Variants in EFCAB8 observed in about 807,000 individuals in gnomAD.
EFCAB8 encodes EF-hand calcium-binding domain-containing protein 8.
EFCAB8 carries 100 observed loss-of-function variants against 116.3 expected under a neutral mutation model. That is an observed-to-expected ratio of 0.86 (90% confidence interval 0.73 to 1.02). EFCAB8 has a LOEUF of 1.02. EFCAB8 is among the 50% of genes least tolerant of loss of function. The pLI, the probability that EFCAB8 is intolerant of heterozygous loss-of-function variation, is 0.00. For synonymous variants in EFCAB8, 558 were observed against 567.9 expected, an observed-to-expected ratio of 0.98 and a Z score of 0.25; for missense variants, 1,320 against 1,416.9, an observed-to-expected ratio of 0.93 and a Z score of 1.10.
Position 32,889,419 on chromosome 20 carries a change from G to T in EFCAB8, c.673+13G>T, listed in dbSNP as rs1302650429. 1.3e-6 allele frequency: 2 copies of T among 1,550,828 alleles called. No individual in the cohort carries two copies. Among genetic ancestry groups the T allele is most frequent in the South Asian group, 2.4e-5 (2 of 84,038 alleles). On this transcript the variant is annotated intron_variant, in intron 7 of 26. Transcript: ENST00000400522. ...AGGCAAAAGATAGGTGAGTCCCTGG[G>T]GGCTTCCCAGCTCTGCTCTCAGCCA...
chr20:32,892,105 G>A, intron 7 of EFCAB8, 108 bp from the exon 8 acceptor site: 1 of 988,644 alleles, frequency 1.0e-6, no homozygotes, highest in Admixed American at 2.1e-5. Context: ...GGGAAAAAGG[G>A]CTGAAGGGGC....
At chr20:32,883,220 A>G (rs1985431351) in intron 5 of EFCAB8, among the ~76,000 whole-genome samples, 1 of 152,242 alleles carries the variant, frequency 6.6e-6, no homozygotes, top group Non-Finnish European at 1.5e-5. Context: ...TGGGTATTTC[A>G]GGTTTCAAGA....
At position 32,867,652 on chromosome 20, in the gene EFCAB8, A is replaced by G; in HGVS notation, c.113A>G (p.Gln38Arg). Residue 38 changes from glutamine (Q) to arginine (R), a missense_variant, in exon 3 of 27, where the codon CAG becomes CGG. Coordinates refer to ENST00000400522, the MANE Select transcript of EFCAB8 (RefSeq NM_001143967.2). ...SSPTPSITLS[Q>R]VPDLQPGSQL... ...CCAACACCATCCATCACCCTTAGCCAGGTGCCTGACCTCCAGCCTGGGTCC... is the reference window on the plus strand; with the variant it reads ...CCAACACCATCCATCACCCTTAGCCGGGTGCCTGACCTCCAGCCTGGGTCC... 1 of 1,551,690 alleles carries G rather than the reference A, an allele frequency of 6.4e-7. No homozygotes were observed. Among genetic ancestry groups the G allele is most frequent in the Non-Finnish European group, 8.7e-7 (1 of 1,147,002 alleles).
chr20:32,944,951 T>G (rs2146293278), intron 23 of EFCAB8, among the ~76,000 whole-genome samples: 2 of 152,104 alleles, frequency 1.3e-5, no homozygotes, highest in South Asian at 4.1e-4. Flanking sequence ...ACTACCATAA[T>G]GCATATATTG....
intron 9 of EFCAB8, 146 bp downstream of exon 9, chr20:32,893,444 G>A: frequency 1.6e-6 from 2 of 1,242,526 alleles, no homozygotes; most frequent in Non-Finnish European, 2.2e-6. Flanking sequence ...CAGGGTGCAT[G>A]CCGCTCAGCT....
intron 1 of EFCAB8, among the ~76,000 whole-genome samples, chr20:32,862,025 A>G (rs1229476591): frequency 1.3e-5 from 2 of 151,906 alleles, no homozygotes; most frequent in African/African-American, 4.8e-5. Context: ...GTAGCGTCCC[A>G]TTCTCCTAGC....
In EFCAB8 at chr20:32,867,723, G is replaced by C; in HGVS notation, c.184G>C (p.Glu62Gln). The C allele has an allele frequency of 6.4e-7, 1 of 1,551,598 alleles. No homozygotes were observed. Among genetic ancestry groups the C allele is most frequent in the Non-Finnish European group, 8.7e-7 (1 of 1,146,988 alleles). Residue 62 changes from glutamate (E) to glutamine (Q), a missense_variant, in exon 3 of 27, where the codon GAG becomes CAG. By Grantham distance (29) the Glu-to-Gln change is conservative. Coordinates refer to ENST00000400522, the MANE Select transcript of EFCAB8 (RefSeq NM_001143967.2). ...CCTGGCCAAGATAGAGAAAATGTTT[G>C]AGGAGGACATCAACTCGACTGGAGG... ...IHLAKIEKMF[E>Q]EDINSTGALG...
At chr20:32,924,742 T>G (rs1476147135) in intron 20 of EFCAB8, among the ~76,000 whole-genome samples, 2 of 152,178 alleles carry the variant, frequency 1.3e-5, no homozygotes, top group East Asian at 3.9e-4. Flanking sequence ...GAATCTTGAT[T>G]GAATTTTTGG....
At chr20:32,891,169 G>A (rs13044679) in intron 7 of EFCAB8, among the ~76,000 whole-genome samples, 3,909 of 152,220 alleles carry the variant, frequency 0.026, 78 homozygotes, top group Non-Finnish European at 0.039. Flanking sequence ...GAGTGCAGTG[G>A]CACAATCTCG....
At chr20:32,875,827 GT>G in intron 3 of EFCAB8, 98 bp from the exon 4 acceptor site, 1 of 1,059,032 alleles carries the variant, frequency 9.4e-7, no homozygotes, top group Non-Finnish European at 1.4e-6. Flanking sequence ...GGTCTTCAGT[GT>G]GTCCCCCTCA....
intron 10 of EFCAB8, among the ~76,000 whole-genome samples, chr20:32,896,941 G>A (rs57383700): frequency 0.033 from 4,978 of 152,226 alleles, 233 homozygotes; most frequent in African/African-American, 0.11. Flanking sequence ...TGGCCGTCAG[G>A]ACGTGAGGTG....
intron 5 of EFCAB8, among the ~76,000 whole-genome samples, chr20:32,883,251 G>A (rs6058932): frequency 0.6 from 91,480 of 152,116 alleles, 28,766 homozygotes; most frequent in Middle Eastern, 0.76. Flanking sequence ...TCCTTCAGTC[G>A]TAGGGGTAGC....
intron 2 of EFCAB8, 66 bp downstream of exon 2, chr20:32,863,900 T>TA: frequency 6.6e-7 from 1 of 1,522,950 alleles, no homozygotes; most frequent in Non-Finnish European, 8.9e-7. Context: ...AAACCTCACT[T>TA]ACCAGCATGG....
chr20:32,941,632 G>A (rs1988411755), intron 22 of EFCAB8, among the ~76,000 whole-genome samples: 1 of 152,202 alleles, frequency 6.6e-6, no homozygotes, highest in African/African-American at 2.4e-5. Flanking sequence ...CATATATTGT[G>A]TGATTCTGCT....
At chr20:32,886,431 C>A (rs1985634811) in intron 6 of EFCAB8, among the ~76,000 whole-genome samples, 1 of 152,146 alleles carries the variant, frequency 6.6e-6, no homozygotes, top group Non-Finnish European at 1.5e-5. Context: ...CTCTCCAGGG[C>A]TCTACAGAAA....
At chr20:32,866,724 T>TCTTCCTTC (rs147496701) in intron 2 of EFCAB8, among the ~76,000 whole-genome samples, 3 of 150,968 alleles carry the variant, frequency 2.0e-5, no homozygotes. Context: ...CCTGGGGTTT[T>TCTTCCTTC]CTTCCTTCCT....
intron 3 of EFCAB8, among the ~76,000 whole-genome samples, chr20:32,873,570 G>A (rs1229572499): frequency 2.0e-5 from 3 of 151,544 alleles, no homozygotes; most frequent in African/African-American, 7.3e-5. Flanking sequence ...GCTTTTAGAA[G>A]ATGCAGTTTG....
chr20:32,908,200 C>T (rs1313615638), intron 13 of EFCAB8, 75 bp from the exon 14 acceptor site: 6 of 1,239,200 alleles, frequency 4.8e-6, no homozygotes, highest in Non-Finnish European at 6.1e-6. Flanking sequence ...TCGCCGGAGG[C>T]ACCCCCGAGG....
At chr20:32,863,884 C>T in intron 2 of EFCAB8, 50 bp downstream of exon 2, 4 of 1,542,160 alleles carry the variant, frequency 2.6e-6, no homozygotes, top group Non-Finnish European at 3.5e-6. Context: ...ATTCCAGAGT[C>T]ACCCAAAACC....
Sources: allele counts gnomAD v4.1 joint callset (sites outside exome capture counted in the v4.1 genomes callset), GRCh38; gene constraint gnomAD v4.1.1; transcripts MANE v1.5; gene names NCBI Gene and HGNC (gene_info 2026-07-23, HGNC 2026-07-21).